The following LIPH variants were observed in gnomAD, a reference collection of about 807,000 sequenced individuals.
LIPH encodes the protein lipase H.
Under a neutral mutation model 47.6 loss-of-function variants are expected in LIPH, and 32 were observed. The observed-to-expected ratio is 0.67, with a 90% CI of 0.51 to 0.90. LIPH has a LOEUF of 0.90. Ranked by LOEUF, LIPH falls within the 40% of genes least tolerant of loss-of-function variation. The probability of loss-of-function intolerance (pLI) is 0.00; values close to 1 mark genes in which losing one functional copy is unlikely to be tolerated. For synonymous variants in LIPH, 190 were observed against 195.6 expected, an observed-to-expected ratio of 0.97 and a Z score of 0.24; for missense variants, 497 against 541.4, an observed-to-expected ratio of 0.92 and a Z score of 0.81.
intron 3 of LIPH, among the ~76,000 whole-genome samples, chr3:185,528,832 C>T (rs1013734766): frequency 6.6e-6 from 1 of 152,062 alleles, no homozygotes; most frequent in Non-Finnish European, 1.5e-5. Flanking sequence ...AGGAGAGAAG[C>T]TCCTATGATG....
intron 1 of LIPH, among the ~76,000 whole-genome samples, chr3:185,539,672 C>T (rs1233838566): frequency 6.6e-6 from 1 of 152,042 alleles, no homozygotes; most frequent in East Asian, 1.9e-4. Context: ...CGCCCGGCCG[C>T]ATTTTACGGA....
chr3:185,517,052 A>G lies in LIPH; in HGVS notation c.982+15T>C, dbSNP rs1171484119. 6.4e-7 allele frequency: 1 copy of G among 1,556,262 alleles called. No individual in the cohort carries two copies. The highest frequency in any genetic ancestry group is 1.1e-5 in the South Asian group (1 of 89,916). On this transcript the variant is annotated intron_variant, in intron 7 of 9. Transcript: ENST00000296252. ...GAGAGTTAGGCAAAAGCCAACAACC[A>G]CATTCACCACTCACTGCAGAATGGG...
intron 1 of LIPH, among the ~76,000 whole-genome samples, chr3:185,540,983 A>G (rs965262096): frequency 6.6e-6 from 1 of 151,772 alleles, no homozygotes; most frequent in African/African-American, 2.4e-5. Context: ...TCCTGACTCT[A>G]CTCTTGTCCT....
At chr3:185,524,597 G>A (rs1382323380) in intron 4 of LIPH, among the ~76,000 whole-genome samples, 2 of 151,950 alleles carry the variant, frequency 1.3e-5, no homozygotes, top group Non-Finnish European at 2.9e-5. Context: ...TTACAGGCAT[G>A]TGCCACCATG....
At chr3:185,538,882 TACATATATACGTATATACACATATAC>T (rs1478232501) in intron 1 of LIPH, among the ~76,000 whole-genome samples, 8 of 137,122 alleles carry the variant, frequency 5.8e-5, no homozygotes, top group South Asian at 2.2e-4. Context: ...CACATATATA[TACATATATACGTATATACACATATAC>T]ACATATATAC....
intron 5 of LIPH, among the ~76,000 whole-genome samples, chr3:185,519,950 G>C (rs987539645): frequency 6.7e-6 from 1 of 148,328 alleles, no homozygotes; most frequent in Non-Finnish European, 1.5e-5. Flanking sequence ...CATCAAAATC[G>C]TGCTTATTAA....
chr3:185,517,744 G>A (rs1719776651), intron 6 of LIPH, among the ~76,000 whole-genome samples: 1 of 152,138 alleles, frequency 6.6e-6, no homozygotes, highest in Non-Finnish European at 1.5e-5. Context: ...CCAGGCATCA[G>A]TATTGTGTTA....
chr3:185,534,464 C>T (rs905698650), intron 2 of LIPH, among the ~76,000 whole-genome samples: 7 of 152,072 alleles, frequency 4.6e-5, no homozygotes, highest in Non-Finnish European at 4.4e-5. Flanking sequence ...AAAAAATGCC[C>T]CTTCCTCAAG....
At chr3:185,517,725 G>A (rs1577667302) in intron 6 of LIPH, among the ~76,000 whole-genome samples, 1 of 152,196 alleles carries the variant, frequency 6.6e-6, no homozygotes, top group African/African-American at 2.4e-5. Context: ...AATTGATCCA[G>A]GGTGGGACCC....
chr3:185,524,794 C>A (rs933797129), intron 4 of LIPH, among the ~76,000 whole-genome samples: 2 of 152,126 alleles, frequency 1.3e-5, no homozygotes, highest in Non-Finnish European at 2.9e-5. Context: ...TTGCCTGGTG[C>A]TTCTGAGCCT....
intron 9 of LIPH, among the ~76,000 whole-genome samples, chr3:185,509,948 T>A (rs1172685437): frequency 3.4e-5 from 1 of 29,490 alleles, no homozygotes; most frequent in Non-Finnish European, 7.4e-5. Flanking sequence ...TTTGTTTTCT[T>A]TTTTTTTTTT....
At chr3:185,519,440 C>A in intron 5 of LIPH, 131 bp from the exon 6 acceptor site, 1 of 703,496 alleles carries the variant, frequency 1.4e-6, no homozygotes, top group Non-Finnish European at 2.6e-6. Flanking sequence ...TTCATTTAAT[C>A]TTTATAAAAT....
chr3:185,534,805 T>C lies in LIPH; in HGVS notation c.377A>G (p.Lys126Arg). 1 of 1,613,404 alleles carries C rather than the reference T, an allele frequency of 6.2e-7. No individual in the cohort carries two copies. The highest frequency in any genetic ancestry group is 8.5e-7 in the Non-Finnish European group (1 of 1,179,354). The stretch of plus-strand genomic sequence containing the variant: ...AAATTCCTTCAAGACCATGGCTACT[T>C]TTCTGGTCTTACTAGAGGCATGGGT... ...IYTHASSKTR[K>R]VAMVLKEFID... Residue 126 changes from lysine (K) to arginine (R), a missense_variant, in exon 2 of 10, where the codon AAA (lysine) becomes AGA (arginine). Lys to Arg is a conservative substitution (Grantham distance 26). Coordinates refer to ENST00000296252, the MANE Select transcript of LIPH (RefSeq NM_139248.3).
chr3:185,515,693 T>C (rs969258070), intron 7 of LIPH, among the ~76,000 whole-genome samples: 2 of 152,068 alleles, frequency 1.3e-5, no homozygotes, highest in Admixed American at 1.3e-4. Flanking sequence ...ATTTTGTTTT[T>C]GGGGTTTTTG....
intron 1 of LIPH, among the ~76,000 whole-genome samples, chr3:185,537,294 A>G (rs1203952911): frequency 1.3e-5 from 2 of 152,142 alleles, no homozygotes; most frequent in Admixed American, 6.6e-5. Flanking sequence ...GTGAGACTCT[A>G]GCTCTTAAAA....
Position 185,508,504 on chromosome 3 carries a change from A to T in LIPH, c.*286T>A. 2.4e-6 allele frequency: 1 copy of T among 420,062 alleles called. No homozygotes were observed. The highest frequency in any genetic ancestry group is 2.5e-5 in the South Asian group (1 of 39,350). 26.0% of individuals were successfully genotyped at this position (420,062 alleles called of 1,614,324 possible). ...AACCACCCGCGTGACAGGCAGCAGA[A>T]TTGACAGGTCGGAACAAGGGAGGCC... is the stretch of plus-strand genomic sequence containing the variant. On this transcript the variant is annotated 3_prime_UTR_variant, in exon 10 of 10. Transcript: ENST00000296252.
At chr3:185,527,673 C>T (rs1720153352) in intron 3 of LIPH, 88 bp from the exon 4 acceptor site, 3 of 845,978 alleles carry the variant, frequency 3.5e-6, no homozygotes, top group Admixed American at 3.8e-5. Context: ...GGGTGGCTCC[C>T]AGGCTGCAGG....
chr3:185,532,490 C>A (rs1720363223), intron 3 of LIPH, among the ~76,000 whole-genome samples: 1 of 148,474 alleles, frequency 6.7e-6, no homozygotes, highest in Admixed American at 6.8e-5. Context: ...CACAGCGAGA[C>A]CCTGTCAAAA....
chr3:185,530,154 G>A (rs931482310), intron 3 of LIPH, among the ~76,000 whole-genome samples: 1 of 152,072 alleles, frequency 6.6e-6, no homozygotes, highest in Non-Finnish European at 1.5e-5. Flanking sequence ...CTCCAGCCTG[G>A]GTGGCAAAGT....
Sources: allele counts gnomAD v4.1 joint callset (sites outside exome capture counted in the v4.1 genomes callset), GRCh38; gene constraint gnomAD v4.1.1; transcripts MANE v1.5; gene names NCBI Gene and HGNC (gene_info 2026-07-23, HGNC 2026-07-21).